The following SPRY1 variants were observed in gnomAD, a reference collection of about 807,000 sequenced individuals.
The protein encoded by SPRY1 is sprouty RTK signaling antagonist 1, also known as protein sprouty homolog 1.
SPRY1 carries 20 observed loss-of-function variants against 22.6 expected under a neutral mutation model. That is an observed-to-expected ratio of 0.89 (90% CI 0.62 to 1.29). The LOEUF (loss-of-function observed/expected upper bound fraction) is 1.29. SPRY1 is among the 50% of genes most tolerant of loss of function. The probability of loss-of-function intolerance (pLI) is 0.00; values close to 1 mark genes in which losing one functional copy is unlikely to be tolerated. For synonymous variants in SPRY1, 155 were observed against 144.7 expected (o/e 1.07, Z -0.51); for missense variants, 446 against 387.7 (o/e 1.15, Z -1.26).
chr4:123,402,122 C>T lies in SPRY1; in HGVS notation c.531C>T (p.His177=). Residue 177 remains histidine (H), a synonymous_variant, in exon 3 of 3, where the codon CAC becomes CAT. Transcript: ENST00000651917. ...CCTTGAAAGAGGACCTGACACAGCACAAGTTCATTTGTGAACAGTGTGGGA... is the reference window on the plus strand; with the variant it reads ...CCTTGAAAGAGGACCTGACACAGCATAAGTTCATTTGTGAACAGTGTGGGA... ...KGSLKEDLTQ[H]KFICEQCGKC... is the part of the protein sequence containing the mutation. The T allele has an allele frequency of 6.2e-7, 1 of 1,614,240 alleles. No individual in the cohort carries two copies. The highest frequency in any genetic ancestry group is 8.5e-7 in the Non-Finnish European group (1 of 1,180,040).
rs377271490 is a variant in SPRY1 at position 123,402,562 on chromosome 4, T to C, written c.*11T>C. ...GGTAAACCATCATGATTTTTGGAGG[T>C]GGGTTGTACCTCCTGAACTTTTAGC... On this transcript the variant is annotated 3_prime_UTR_variant, in exon 3 of 3. Coordinates refer to ENST00000651917, the MANE Select transcript of SPRY1 (RefSeq NM_001258038.2). 2.6e-4 allele frequency: 419 copies of C among 1,589,416 alleles called. No individual in the cohort carries two copies. The highest frequency in any genetic ancestry group is 3.4e-4 in the Non-Finnish European group (393 of 1,164,994).
intron 2 of SPRY1, 27 bp from the exon 3 acceptor site, chr4:123,401,510 T>A: frequency 6.6e-7 from 1 of 1,522,968 alleles, no homozygotes; most frequent in Non-Finnish European, 8.8e-7. Flanking sequence ...TTATTTTCTG[T>A]TTTTTTCATC....
chr4:123,402,304 G>A lies in SPRY1; in HGVS notation c.713G>A (p.Gly238Glu). The change falls in exon 3 of 3, where the codon GGG becomes GAG. Residue 238 changes from glycine to glutamate, a missense_variant. Coordinates refer to ENST00000651917, the MANE Select transcript of SPRY1 (RefSeq NM_001258038.2). The part of the protein sequence containing the change: ...IFYHCSNDDE[G>E]DSYSDNPCSC... ...TACCACTGCTCCAATGACGACGAAGGGGATTCCTATTCAGATAATCCTTGC... is the reference window on the plus strand; with the variant it reads ...TACCACTGCTCCAATGACGACGAAGAGGATTCCTATTCAGATAATCCTTGC... 1 of 1,614,162 alleles carries A rather than the reference G, an allele frequency of 6.2e-7. No homozygotes were observed.
chr4:123,399,437 C>T (rs1201321456), intron 2 of SPRY1: 3 of 152,216 alleles, frequency 2.0e-5, no homozygotes, highest in Non-Finnish European at 4.4e-5. Context: ...CTCCTCCCCT[C>T]CTCCTACCAC....
chr4:123,401,874 A>G lies in SPRY1; in HGVS notation c.283A>G (p.Ser95Gly). ...TAATAACTACGAGCACAGACACACA[A>G]GCCACCTGGGACATGCAGTACTCCC... is the stretch of plus-strand genomic sequence containing the variant. The part of the protein sequence containing the change: ...VNNNYEHRHT[S>G]HLGHAVLPSN... Residue 95 changes from serine to glycine, a missense_variant, in exon 3 of 3, where the codon AGC becomes GGC. By Grantham distance (56) the Ser-to-Gly change is moderately conservative. Coordinates refer to ENST00000651917, the MANE Select transcript of SPRY1 (RefSeq NM_001258038.2). 6.2e-7 allele frequency: 1 copy of G among 1,614,202 alleles called. No homozygotes were observed. Among genetic ancestry groups the G allele is most frequent in the Non-Finnish European group, 8.5e-7 (1 of 1,180,046 alleles).
chr4:123,402,632 T>C lies in SPRY1; in HGVS notation c.*81T>C. ...TTTGTTTTTGTTTTTGTTTTTGTTTTCTTTAGAATTTTTCCCTGTTTCCCA... is the reference window on the plus strand; with the variant it reads ...TTTGTTTTTGTTTTTGTTTTTGTTTCCTTTAGAATTTTTCCCTGTTTCCCA... On this transcript the variant is annotated 3_prime_UTR_variant, in exon 3 of 3. Transcript: ENST00000651917. 1.3e-6 allele frequency: 2 copies of C among 1,509,516 alleles called. No homozygotes were observed. The highest frequency in any genetic ancestry group is 2.3e-5 in the East Asian group (1 of 44,118). 93.5% of individuals were successfully genotyped at this position (1,509,516 alleles called of 1,614,324 possible).
At chr4:123,401,487 T>A in intron 2 of SPRY1, 50 bp from the exon 3 acceptor site, 6 of 1,331,326 alleles carry the variant, frequency 4.5e-6, no homozygotes, top group South Asian at 1.5e-5. Context: ...CCAAAAAAAA[T>A]GCTTCCTGTC....
chr4:123,398,900 G>A (rs903731741), intron 2 of SPRY1, among the ~76,000 whole-genome samples: 7 of 152,130 alleles, frequency 4.6e-5, no homozygotes, highest in Non-Finnish European at 7.4e-5. Context: ...CTTTGGAGGA[G>A]TGTGCCTCAA....
rs1335222675 is a variant in SPRY1 at position 123,402,101 on chromosome 4, G to C, written c.510G>C (p.Leu170Phe). The C allele has an allele frequency of 1.9e-6, 3 of 1,614,094 alleles. No individual in the cohort carries two copies. The South Asian group carries it at 3.3e-5, about 18-fold the overall frequency. ...TTGTGGATGACTTGAAGGGTTCCTTGAAAGAGGACCTGACACAGCACAAGT... is the reference window on the plus strand; with the variant it reads ...TTGTGGATGACTTGAAGGGTTCCTTCAAAGAGGACCTGACACAGCACAAGT... ...QLIVDDLKGSLKEDLTQHKFI... is the reference protein window; with the variant it reads ...QLIVDDLKGSFKEDLTQHKFI... The change falls in exon 3 of 3, where the codon TTG (leucine) becomes TTC (phenylalanine). Residue 170 changes from leucine to phenylalanine, a missense_variant. Transcript: ENST00000651917.
intron 1 of SPRY1, among the ~76,000 whole-genome samples, 165 bp from the exon 2 acceptor site, chr4:123,397,446 C>A (rs2126194203): frequency 6.6e-6 from 1 of 152,300 alleles, no homozygotes; most frequent in African/African-American, 2.4e-5. Context: ...TACTTTGGTT[C>A]GCGGCTGACA....
Position 123,401,768 on chromosome 4 carries a change from G to A in SPRY1, c.177G>A (p.Val59=), listed in dbSNP as rs1461115976. The part of the protein sequence containing the change: ...GSNEYTEGPS[V]VKRPAPRTAP... ...ATGAATACACAGAAGGGCCTTCGGTGGTGAAAAGACCTGCTCCTCGGACAG... is the reference window on the plus strand; with the variant it reads ...ATGAATACACAGAAGGGCCTTCGGTAGTGAAAAGACCTGCTCCTCGGACAG... Residue 59 remains valine (V), a synonymous_variant, in exon 3 of 3, where the codon GTG becomes GTA. Transcript: ENST00000651917. 11 of 1,614,190 alleles carry A rather than the reference G, an allele frequency of 6.8e-6. No homozygotes were observed. Among genetic ancestry groups the A allele is most frequent in the Non-Finnish European group, 8.5e-6 (10 of 1,180,028 alleles).
intron 2 of SPRY1, chr4:123,400,504 C>A (rs1404630090): frequency 1.3e-5 from 2 of 152,162 alleles, no homozygotes; most frequent in East Asian, 3.9e-4. Context: ...AAACTTTCAT[C>A]TTTGGCAGTT....
Position 123,402,707 on chromosome 4 carries a change from C to T in SPRY1, c.*156C>T. ...TCTAACTCATGGATTTTTCTCTTTCCTCATGGATGATCTTCAGCAAGAGTG... is the reference window on the plus strand; with the variant it reads ...TCTAACTCATGGATTTTTCTCTTTCTTCATGGATGATCTTCAGCAAGAGTG... On this transcript the variant is annotated 3_prime_UTR_variant, in exon 3 of 3. Coordinates refer to ENST00000651917, the MANE Select transcript of SPRY1 (RefSeq NM_001258038.2). 2.1e-6 allele frequency: 2 copies of T among 971,928 alleles called. No homozygotes were observed. The highest frequency in any genetic ancestry group is 3.0e-6 in the Non-Finnish European group (2 of 666,818). The allele number at this position is 971,928 out of a possible 1,614,324, so 60.2% of individuals were successfully genotyped here.
intron 2 of SPRY1, among the ~76,000 whole-genome samples, chr4:123,399,034 G>T (rs1161068630): frequency 2.0e-5 from 3 of 152,102 alleles, no homozygotes; most frequent in African/African-American, 7.2e-5. Flanking sequence ...CTTCTGGTTT[G>T]GAGCACAGTG....
chr4:123,402,489 TC>T lies in SPRY1; in HGVS notation c.900del (p.Asn301ThrfsTer75). On this transcript the variant is annotated frameshift_variant, in exon 3 of 3. Transcript: ENST00000651917. LOFTEE classifies it high-confidence loss of function. ...TCGCCCAGGGTGCAGATGTAAGAACTCCAACACTGTCTATTGTAAGCTGGAG... is the reference window on the plus strand; with the variant it reads ...TCGCCCAGGGTGCAGATGTAAGAACTCAACACTGTCTATTGTAAGCTGGAG... ...IHRPGCRCKN[S>X]NTVYCKLESC... 1 of 1,614,174 alleles carries T rather than the reference TC, an allele frequency of 6.2e-7. No homozygotes were observed. The highest frequency in any genetic ancestry group is 8.5e-7 in the Non-Finnish European group (1 of 1,180,012).
Position 123,402,396 on chromosome 4 carries a change from T to C in SPRY1, c.805T>C (p.Cys269Arg). Residue 269 changes from cysteine (C) to arginine (R), a missense_variant, in exon 3 of 3, where the codon TGC becomes CGC. Transcript: ENST00000651917. Reference sequence around the variant, plus strand: ...GGGAGCCATGTCTTTATTTTTACCTTGCTTACTCTGTTATCCTCCTGCTAA... The same window carrying C: ...GGGAGCCATGTCTTTATTTTTACCTCGCTTACTCTGTTATCCTCCTGCTAA... ...CMGAMSLFLPCLLCYPPAKGC... is the reference protein window; with the variant it reads ...CMGAMSLFLPRLLCYPPAKGC... 1 of 1,614,194 alleles carries C rather than the reference T, an allele frequency of 6.2e-7. No individual in the cohort carries two copies. The highest frequency in any genetic ancestry group is 8.5e-7 in the Non-Finnish European group (1 of 1,180,034).
intron 1 of SPRY1, among the ~76,000 whole-genome samples, 185 bp downstream of exon 1, chr4:123,397,117 A>C (rs989321048): frequency 2.0e-5 from 3 of 152,210 alleles, no homozygotes; most frequent in Non-Finnish European, 4.4e-5. Context: ...GCTACCGCTA[A>C]AAGAAAAAGC....
In SPRY1 at chr4:123,403,393, C is replaced by T. The variant is rs960542202; in HGVS notation, c.*842C>T. The T allele has an allele frequency of 1.2e-5, 2 of 167,042 alleles. No individual in the cohort carries two copies. The highest frequency in any genetic ancestry group is 2.9e-5 in the Non-Finnish European group (2 of 68,116). The allele number at this position is 167,042 out of a possible 1,614,324, so 10.3% of individuals were successfully genotyped here. A position where few individuals can be genotyped will look rare whatever the true frequency, so the allele number is the denominator to read the frequency against. ...TATATGTGTCACAGAACTATGCTGC[C>T]TAAAGTGATCTTGGCTCCTTAATGG... On this transcript the variant is annotated 3_prime_UTR_variant, in exon 3 of 3. Transcript: ENST00000651917.
Position 123,402,590 on chromosome 4 carries a change from T to C in SPRY1, c.*39T>C. On this transcript the variant is annotated 3_prime_UTR_variant, in exon 3 of 3. Coordinates refer to ENST00000651917, the MANE Select transcript of SPRY1 (RefSeq NM_001258038.2). ...GTTGTACCTCCTGAACTTTTAGCTT[T>C]CAAGTTGTGGCTGTTTTTTGTTTTT... 2 of 1,546,860 alleles carry C rather than the reference T, an allele frequency of 1.3e-6. No individual in the cohort carries two copies. Among genetic ancestry groups the C allele is most frequent in the Middle Eastern group, 1.8e-4 (1 of 5,686 alleles).
Sources: gnomAD v4.1 joint callset for allele counts (sites outside exome capture counted in the v4.1 genomes callset) on GRCh38, gnomAD v4.1.1 for gene constraint, MANE v1.5 for transcripts, NCBI Gene and HGNC (gene_info 2026-07-23, HGNC 2026-07-21) for gene names.